ARHGAP24: variants seen among roughly 807,000 people sequenced by gnomAD.
ARHGAP24 encodes the protein rho GTPase-activating protein 24.
A neutral mutation model predicts 76.4 loss-of-function variants in ARHGAP24; 50 were observed. The ratio of observed to expected loss-of-function variants is 0.65; its 90% CI spans 0.52 to 0.83. ARHGAP24 has a LOEUF of 0.83. Ranked by LOEUF, ARHGAP24 falls within the 40% of genes least tolerant of loss-of-function variation. The probability of loss-of-function intolerance (pLI) is 0.00; values close to 1 mark genes in which losing one functional copy is unlikely to be tolerated. For synonymous variants in ARHGAP24, 345 were observed against 323.3 expected, an observed-to-expected ratio of 1.07 and a Z score of -0.72; for missense variants, 930 against 914.2, an observed-to-expected ratio of 1.02 and a Z score of -0.22.
At chr4:85,643,224 G>GTTTT (rs1333138659) in intron 2 of ARHGAP24, among the ~76,000 whole-genome samples, 1 of 101,554 alleles carries the variant, frequency 9.8e-6, no homozygotes, top group African/African-American at 4.0e-5. Flanking sequence ...TTTATTTTCC[G>GTTTT]TTTTTTTGTG....
intron 3 of ARHGAP24, among the ~76,000 whole-genome samples, chr4:85,846,015 C>T (rs1229495412): frequency 6.6e-6 from 1 of 152,076 alleles, no homozygotes; most frequent in Non-Finnish European, 1.5e-5. Flanking sequence ...AAATGATTCT[C>T]CTGCCTCAGC....
intron 2 of ARHGAP24, among the ~76,000 whole-genome samples, chr4:85,610,491 C>T (rs1348553880): frequency 5.0e-5 from 7 of 141,396 alleles, no homozygotes; most frequent in Middle Eastern, 3.8e-3. Context: ...AAGAAAGCAC[C>T]CTTATTGAGC....
chr4:85,670,536 C>T lies in ARHGAP24; in HGVS notation c.181-51349C>T, dbSNP rs117204615. The stretch of plus-strand genomic sequence containing the variant: ...GAACTTGAGCTCACTTTTTTCTGTC[C>T]TCTGTCTTCTCTTTGTGTCTCTTTT... On this transcript the variant is annotated intron_variant, in intron 2 of 9. Transcript: ENST00000395184. Among the ~76,000 whole-genome samples, 7 of 152,216 alleles carry T rather than the reference C, an allele frequency of 4.6e-5. No individual in the cohort carries two copies. The East Asian group carries it at 1.4e-3, about 29-fold the overall frequency.
intron 2 of ARHGAP24, among the ~76,000 whole-genome samples, chr4:85,695,880 C>G (rs749664715): frequency 9.9e-5 from 15 of 152,076 alleles, no homozygotes; most frequent in Non-Finnish European, 1.6e-4. Context: ...AAATACAATT[C>G]CATAGAGGAC....
At chr4:85,721,224 C>T (rs749014406) in intron 2 of ARHGAP24, among the ~76,000 whole-genome samples, 3 of 151,826 alleles carry the variant, frequency 2.0e-5, no homozygotes, top group Non-Finnish European at 2.9e-5. Context: ...GGTGAAACCC[C>T]ATCTCTACTG....
At chr4:85,497,648 C>T (rs1393216599) in intron 1 of ARHGAP24, among the ~76,000 whole-genome samples, 1 of 151,994 alleles carries the variant, frequency 6.6e-6, no homozygotes, top group African/African-American at 2.4e-5. Flanking sequence ...CTGGTAAAAC[C>T]CTATTTCTAC....
At chr4:85,771,029 C>G (rs1727112855) in intron 3 of ARHGAP24, among the ~76,000 whole-genome samples, 1 of 152,126 alleles carries the variant, frequency 6.6e-6, no homozygotes, top group South Asian at 2.1e-4. Context: ...TTGGGGGTCC[C>G]CATCTACTAC....
intron 3 of ARHGAP24, among the ~76,000 whole-genome samples, chr4:85,777,052 A>T (rs1939615885): frequency 6.6e-6 from 1 of 152,174 alleles, no homozygotes. Flanking sequence ...TAAAAGGAAA[A>T]TAAGATGCTG....
intron 3 of ARHGAP24, among the ~76,000 whole-genome samples, chr4:85,793,953 T>C (rs566868164): frequency 1.4e-4 from 22 of 152,294 alleles, no homozygotes; most frequent in Admixed American, 1.0e-3. Flanking sequence ...GTTTTGTGAT[T>C]TATTTAAGAG....
At chr4:85,648,571 TC>T (rs1721813630) in intron 2 of ARHGAP24, among the ~76,000 whole-genome samples, 1 of 152,068 alleles carries the variant, frequency 6.6e-6, no homozygotes, top group Non-Finnish European at 1.5e-5. Flanking sequence ...AACAGACGAC[TC>T]TAAAGCAATC....
intron 1 of ARHGAP24, among the ~76,000 whole-genome samples, chr4:85,554,374 C>A (rs1457469620): frequency 1.3e-5 from 2 of 152,280 alleles, no homozygotes; most frequent in African/African-American, 2.4e-5. Flanking sequence ...AGGAAGTTTT[C>A]ATGGATAATA....
chr4:85,958,291 A>G (rs1738042374), intron 5 of ARHGAP24, among the ~76,000 whole-genome samples: 1 of 152,174 alleles, frequency 6.6e-6, no homozygotes, highest in Non-Finnish European at 1.5e-5. Context: ...TGGAACAAAA[A>G]CACCTGGAAT....
chr4:85,618,240 T>A (rs1720601992), intron 2 of ARHGAP24, among the ~76,000 whole-genome samples: 1 of 152,194 alleles, frequency 6.6e-6, no homozygotes, highest in East Asian at 1.9e-4. Context: ...TGAGATCATG[T>A]AGTATTGTCT....
At chr4:85,566,531 T>C (rs1726852780) in intron 1 of ARHGAP24, among the ~76,000 whole-genome samples, 2 of 152,244 alleles carry the variant, frequency 1.3e-5, no homozygotes, top group African/African-American at 2.4e-5. Flanking sequence ...CATTCTTCTT[T>C]AAGGCATTAA....
intron 3 of ARHGAP24, among the ~76,000 whole-genome samples, chr4:85,879,198 G>A (rs1441551909): frequency 6.6e-6 from 1 of 152,110 alleles, no homozygotes; most frequent in Non-Finnish European, 1.5e-5. Context: ...GTTCTATGCA[G>A]TTGTAGTGAG....
intron 2 of ARHGAP24, among the ~76,000 whole-genome samples, chr4:85,632,371 G>A (rs1352266942): frequency 1.3e-5 from 2 of 151,964 alleles, no homozygotes; most frequent in Admixed American, 1.3e-4. Context: ...CTGGAGAACT[G>A]GGAACATGTG....
At chr4:85,659,985 C>T (rs535814686) in intron 2 of ARHGAP24, among the ~76,000 whole-genome samples, 18 of 152,300 alleles carry the variant, frequency 1.2e-4, no homozygotes, top group African/African-American at 4.1e-4. Flanking sequence ...GCTGAACAAG[C>T]AGCTACCAGT....
At chr4:85,554,586 T>C (rs1277443161) in intron 1 of ARHGAP24, among the ~76,000 whole-genome samples, 1 of 152,172 alleles carries the variant, frequency 6.6e-6, no homozygotes, top group African/African-American at 2.4e-5. Flanking sequence ...CTGTTAATGC[T>C]TGTGATTGCA....
At chr4:85,735,004 A>G (rs925477407) in intron 3 of ARHGAP24, among the ~76,000 whole-genome samples, 1 of 152,180 alleles carries the variant, frequency 6.6e-6, no homozygotes, top group Admixed American at 6.5e-5. Flanking sequence ...CTGTTACTAC[A>G]GAGAAACTGC....
Sources: gnomAD v4.1 joint callset for allele counts (sites outside exome capture counted in the v4.1 genomes callset) on GRCh38, gnomAD v4.1.1 for gene constraint, MANE v1.5 for transcripts, NCBI Gene and HGNC (gene_info 2026-07-23, HGNC 2026-07-21) for gene names.